The following COLEC12 variants were observed in gnomAD, a reference collection of about 807,000 sequenced individuals.
COLEC12 encodes the protein collectin-12.
A neutral mutation model predicts 71.1 loss-of-function variants in COLEC12; 33 were observed. That is an observed-to-expected ratio of 0.46 (90% CI 0.35 to 0.62). The LOEUF is 0.62. COLEC12 is among the 20% of genes least tolerant of loss of function. The pLI is 0.00. For synonymous variants in COLEC12, 350 were observed against 353.0 expected (o/e 0.99, Z 0.10); for missense variants, 765 against 916.1 (o/e 0.84, Z 2.13).
intron 1 of COLEC12, among the ~76,000 whole-genome samples, chr18:496,004 C>T (rs1488979068): frequency 1.3e-5 from 2 of 152,180 alleles, no homozygotes; most frequent in Non-Finnish European, 2.9e-5. Flanking sequence ...AGGCTGGCCT[C>T]CCTGAGAGAT....
Position 331,692 on chromosome 18 carries a change from A to T in COLEC12, c.2039T>A (p.Leu680Gln). 1.2e-6 allele frequency: 2 copies of T among 1,612,098 alleles called. No individual in the cohort carries two copies. Among genetic ancestry groups the T allele is most frequent in the Non-Finnish European group, 1.7e-6 (2 of 1,178,094 alleles). Residue 680 changes from leucine (L) to glutamine (Q), a missense_variant, in exon 8 of 10, where the codon CTG becomes CAG. Transcript: ENST00000400256. ...CTTGTAGTCTGGAGATGTCCCATCCAGCCACTTCCATTCATTTTCACGCTC... is the reference window on the plus strand; with the variant it reads ...CTTGTAGTCTGGAGATGTCCCATCCTGCCACTTCCATTCATTTTCACGCTC... The part of the protein sequence containing the change: ...DSERENEWKW[L>Q]DGTSPDYKNW...
chr18:413,317 A>G (rs10460014), intron 2 of COLEC12, among the ~76,000 whole-genome samples: 5,011 of 152,366 alleles, frequency 0.033, 158 homozygotes, highest in East Asian at 0.17. Flanking sequence ...GACATCTATC[A>G]GAATGGCTGA....
intron 3 of COLEC12, among the ~76,000 whole-genome samples, chr18:355,510 G>A (rs1337224461): frequency 2.6e-5 from 4 of 152,054 alleles, no homozygotes; most frequent in African/African-American, 9.7e-5. Context: ...AAAAAAGAAA[G>A]GAGAAAAAAA....
intron 2 of COLEC12, among the ~76,000 whole-genome samples, chr18:464,060 C>T (rs565792986): frequency 1.3e-5 from 2 of 152,282 alleles, no homozygotes; most frequent in African/African-American, 4.8e-5. Context: ...TGAGCTAATC[C>T]CTGCCTGTCC....
intron 2 of COLEC12, among the ~76,000 whole-genome samples, chr18:459,705 C>T (rs1407201626): frequency 2.0e-5 from 3 of 152,242 alleles, no homozygotes; most frequent in Admixed American, 2.0e-4. Flanking sequence ...ATGGTGGAAG[C>T]AGAGCCAGGG....
At chr18:353,230 G>A (rs1336923980) in intron 3 of COLEC12, among the ~76,000 whole-genome samples, 1 of 152,048 alleles carries the variant, frequency 6.6e-6, no homozygotes, top group Non-Finnish European at 1.5e-5. Context: ...ACACCAACTC[G>A]ATCTTTATTT....
chr18:494,670 T>C (rs1917677913), intron 1 of COLEC12, among the ~76,000 whole-genome samples: 1 of 152,254 alleles, frequency 6.6e-6, no homozygotes, highest in Non-Finnish European at 1.5e-5. Flanking sequence ...TACTTTAAAG[T>C]AGGACTGTTT....
chr18:435,178 G>C (rs1293252942), intron 2 of COLEC12, among the ~76,000 whole-genome samples: 4 of 152,154 alleles, frequency 2.6e-5, no homozygotes, highest in African/African-American at 9.7e-5. Flanking sequence ...TAACTGACTT[G>C]ACCTTCCAAT....
intron 2 of COLEC12, among the ~76,000 whole-genome samples, chr18:430,873 A>C (rs951358586): frequency 1.3e-5 from 2 of 152,254 alleles, no homozygotes; most frequent in African/African-American, 2.4e-5. Flanking sequence ...AATTTTGGAA[A>C]TATAGAATGA....
chr18:499,612 A>C (rs909935089), intron 1 of COLEC12, among the ~76,000 whole-genome samples: 2 of 152,228 alleles, frequency 1.3e-5, no homozygotes, highest in East Asian at 1.9e-4. Context: ...CAACTCTCAC[A>C]CGAAGCCTTG....
chr18:335,421 T>C (rs732541), intron 5 of COLEC12, among the ~76,000 whole-genome samples, 191 bp from the exon 6 acceptor site: 29,381 of 152,110 alleles, frequency 0.19, 3,409 homozygotes, highest in East Asian at 0.38. Flanking sequence ...TCCAAATTCT[T>C]ATGCTGAAGT....
chr18:370,051 C>T (rs1289722371), intron 2 of COLEC12, among the ~76,000 whole-genome samples: 1 of 152,200 alleles, frequency 6.6e-6, no homozygotes, highest in Non-Finnish European at 1.5e-5. Flanking sequence ...AGGAAAGCAA[C>T]ACTTCATTAC....
intron 2 of COLEC12, among the ~76,000 whole-genome samples, chr18:454,675 T>C (rs1916830172): frequency 6.6e-6 from 1 of 152,196 alleles, no homozygotes; most frequent in Non-Finnish European, 1.5e-5. Flanking sequence ...AAAGTGAGAC[T>C]CTGTCTCCAA....
intron 2 of COLEC12, among the ~76,000 whole-genome samples, chr18:382,973 T>C (rs2143566296): frequency 6.6e-6 from 1 of 152,300 alleles, no homozygotes; most frequent in African/African-American, 2.4e-5. Flanking sequence ...AAAAATGCAA[T>C]GATTTTTTGG....
intron 5 of COLEC12, among the ~76,000 whole-genome samples, chr18:337,360 A>G (rs80256766): frequency 0.013 from 1,947 of 152,180 alleles, 31 homozygotes; most frequent in African/African-American, 0.035. Flanking sequence ...TTCCCAACCC[A>G]GGTCTTGATG....
rs967182737 is a variant in COLEC12 at position 327,052 on chromosome 18, A to T, written c.2063+4616T>A. Among the ~76,000 whole-genome samples, 6 of 152,236 alleles carry T rather than the reference A, an allele frequency of 3.9e-5. No individual in the cohort carries two copies. The highest frequency in any genetic ancestry group is 1.4e-4 in the African/African-American group (6 of 41,464). On this transcript the variant is annotated intron_variant, in intron 8 of 9. Transcript: ENST00000400256. The surrounding 1 kb of genome is among the most constrained non-coding windows in gnomAD (Gnocchi z 4.0). Reference sequence around the variant, plus strand: ...GCACAGAGGCTGGCTCATGGCAGACACTTCAAGATAATCCATCAAATGTTA... The same window carrying T: ...GCACAGAGGCTGGCTCATGGCAGACTCTTCAAGATAATCCATCAAATGTTA...
chr18:369,004 T>C (rs1914934392), intron 2 of COLEC12, among the ~76,000 whole-genome samples: 1 of 152,242 alleles, frequency 6.6e-6, no homozygotes, highest in Admixed American at 6.5e-5. Context: ...TCTTCACAAC[T>C]CTATGTTCAG....
chr18:453,204 T>A (rs530620068), intron 2 of COLEC12, among the ~76,000 whole-genome samples: 43 of 152,338 alleles, frequency 2.8e-4, no homozygotes, highest in Non-Finnish European at 4.9e-4. Flanking sequence ...ATGATCAGTG[T>A]CACTGGCTTG....
At chr18:446,417 T>C (rs1916651414) in intron 2 of COLEC12, among the ~76,000 whole-genome samples, 1 of 151,940 alleles carries the variant, frequency 6.6e-6, no homozygotes, top group African/African-American at 2.4e-5. Flanking sequence ...AAAATCATCT[T>C]TGGGCCAGGC....
Sources: allele counts gnomAD v4.1 joint callset (sites outside exome capture counted in the v4.1 genomes callset), GRCh38; gene constraint gnomAD v4.1.1; non-coding constraint Gnocchi (gnomAD v3.1); transcripts MANE v1.5; gene names NCBI Gene and HGNC (gene_info 2026-07-23, HGNC 2026-07-21).